Variants in EXOC4 observed in about 807,000 individuals in gnomAD.
EXOC4 encodes exocyst complex component 4.
EXOC4 carries 71 observed loss-of-function variants against 107.2 expected under a neutral mutation model. The observed-to-expected ratio is 0.66, with a 90% CI of 0.55 to 0.81. The LOEUF (loss-of-function observed/expected upper bound fraction) is 0.81. Ranked by LOEUF, EXOC4 falls within the 30% of genes least tolerant of loss-of-function variation. The pLI is 0.00. For synonymous variants in EXOC4, 456 were observed against 441.2 expected, an observed-to-expected ratio of 1.03 and a Z score of -0.42; for missense variants, 1,108 against 1,189.6, an observed-to-expected ratio of 0.93 and a Z score of 1.01.
intron 17 of EXOC4, among the ~76,000 whole-genome samples, chr7:134,054,115 T>C (rs1795867716): frequency 1.3e-5 from 2 of 152,122 alleles, no homozygotes; most frequent in Admixed American, 6.5e-5. Context: ...CCAGCCAATT[T>C]TTTATATTTT....
At chr7:133,966,584 A>G (rs1355323592) in intron 14 of EXOC4, among the ~76,000 whole-genome samples, 1 of 152,148 alleles carries the variant, frequency 6.6e-6, no homozygotes, top group South Asian at 2.1e-4. Flanking sequence ...TGAGATAATC[A>G]TGTGGTTTTG....
chr7:134,077,264 C>G, the EXOC4 span, among the ~76,000 whole-genome samples: 1 of 152,106 alleles, frequency 6.6e-6, no homozygotes, highest in South Asian at 2.1e-4. Context: ...ATGGATGTCC[C>G]AACTCAAAGA....
At chr7:133,672,216 C>A (rs1326168317) in intron 10 of EXOC4, among the ~76,000 whole-genome samples, 2 of 151,614 alleles carry the variant, frequency 1.3e-5, no homozygotes, top group Non-Finnish European at 2.9e-5. Flanking sequence ...ATGGTGAAAC[C>A]CCGTCTCTAC....
intron 7 of EXOC4, among the ~76,000 whole-genome samples, chr7:133,472,994 TTTCATGCTTTGGTAGA>T (rs1191550694): frequency 6.6e-6 from 1 of 152,232 alleles, no homozygotes; most frequent in Non-Finnish European, 1.5e-5. Flanking sequence ...ATTAGTGTAT[TTTCATGCTTTGGTAGA>T]AACATCACTC....
intron 5 of EXOC4, among the ~76,000 whole-genome samples, chr7:133,347,721 C>G (rs1795818459): frequency 6.6e-6 from 1 of 152,054 alleles, no homozygotes; most frequent in Non-Finnish European, 1.5e-5. Context: ...CCAATATATC[C>G]ATATCTATAC....
chr7:134,003,104 A>C (rs1794567493), intron 15 of EXOC4, among the ~76,000 whole-genome samples: 2 of 152,220 alleles, frequency 1.3e-5, no homozygotes, highest in Admixed American at 1.3e-4. Flanking sequence ...TCTGTGGGAC[A>C]TCCAATTCAG....
intron 12 of EXOC4, among the ~76,000 whole-genome samples, chr7:133,900,907 T>A (rs1214812392): frequency 1.3e-5 from 2 of 152,202 alleles, no homozygotes; most frequent in African/African-American, 4.8e-5. Flanking sequence ...TCTCACTCTG[T>A]TGCCCAGGCT....
chr7:133,579,619 C>A (rs771206470), intron 9 of EXOC4, among the ~76,000 whole-genome samples: 1 of 152,026 alleles, frequency 6.6e-6, no homozygotes, highest in Non-Finnish European at 1.5e-5. Context: ...GAAGCCATAT[C>A]CATTAAACAA....
At chr7:133,458,274 G>T (rs549316437) in intron 7 of EXOC4, among the ~76,000 whole-genome samples, 19 of 152,308 alleles carry the variant, frequency 1.2e-4, no homozygotes, top group African/African-American at 3.1e-4. Flanking sequence ...GGTTGGGATT[G>T]TCATTTATCC....
intron 17 of EXOC4, among the ~76,000 whole-genome samples, chr7:134,029,487 TATTG>T (rs57064497): frequency 0.15 from 23,376 of 151,812 alleles, 2,572 homozygotes; most frequent in East Asian, 0.42. Flanking sequence ...TTTGGTGGTC[TATTG>T]ATTGATTGAT....
At chr7:133,999,058 C>T (rs1258788657) in intron 15 of EXOC4, among the ~76,000 whole-genome samples, 1 of 151,896 alleles carries the variant, frequency 6.6e-6, no homozygotes, top group East Asian at 1.9e-4. Flanking sequence ...ATCAAGTATG[C>T]CATTGAGAGA....
rs1796986171 is a variant in EXOC4, at chr7:133,803,037, C to T, written c.1515-14288C>T. Among the ~76,000 whole-genome samples the T allele has an allele frequency of 2.6e-5, 4 of 152,086 alleles. 1 individual carries two copies. The South Asian group carries it at 8.3e-4, about 32-fold the overall frequency. ...GAACTGAATACATAAATGGTAAATG[C>T]AAAACTAACTTTTGTGCTTGTGGTT... is the stretch of plus-strand genomic sequence containing the variant. On this transcript the variant is annotated intron_variant, in intron 10 of 17. Transcript: ENST00000253861.
At chr7:133,968,796 G>A (rs1333505226) in intron 14 of EXOC4, among the ~76,000 whole-genome samples, 1 of 152,048 alleles carries the variant, frequency 6.6e-6, no homozygotes, top group Non-Finnish European at 1.5e-5. Context: ...TTCAACCTTG[G>A]TGAATCTAAC....
chr7:133,906,696 G>A (rs535864288), intron 12 of EXOC4, among the ~76,000 whole-genome samples: 3 of 152,124 alleles, frequency 2.0e-5, no homozygotes, highest in South Asian at 2.1e-4. Context: ...GTCCACTACC[G>A]CTGTTTGCTG....
intron 11 of EXOC4, among the ~76,000 whole-genome samples, chr7:133,818,899 G>C (rs1258003971): frequency 1.3e-5 from 2 of 151,174 alleles, no homozygotes; most frequent in African/African-American, 2.4e-5. Flanking sequence ...TCTGTGGACT[G>C]TGTCATGGAG....
At chr7:133,931,990 A>T (rs1800187172) in intron 13 of EXOC4, among the ~76,000 whole-genome samples, 1 of 152,250 alleles carries the variant, frequency 6.6e-6, no homozygotes, top group Non-Finnish European at 1.5e-5. Flanking sequence ...AACACAGCAC[A>T]TAAACCACTC....
intron 14 of EXOC4, among the ~76,000 whole-genome samples, chr7:133,972,184 A>G (rs1304454672): frequency 6.6e-6 from 1 of 152,206 alleles, no homozygotes; most frequent in Non-Finnish European, 1.5e-5. Context: ...TCTTTAACCA[A>G]TGAGAGAGCT....
intron 17 of EXOC4, among the ~76,000 whole-genome samples, chr7:134,017,900 C>T (rs975273989): frequency 1.3e-4 from 20 of 152,162 alleles, no homozygotes; most frequent in African/African-American, 2.7e-4. Flanking sequence ...TAGGGTTCCT[C>T]GAGATTACTG....
intron 9 of EXOC4, among the ~76,000 whole-genome samples, chr7:133,588,274 A>T (rs1332694587): frequency 1.3e-5 from 2 of 152,236 alleles, no homozygotes; most frequent in African/African-American, 4.8e-5. Context: ...AAAAGGAATT[A>T]AATACCATGG....
Sources: gnomAD v4.1 joint callset for allele counts (sites outside exome capture counted in the v4.1 genomes callset) on GRCh38, gnomAD v4.1.1 for gene constraint, MANE v1.5 for transcripts, NCBI Gene and HGNC (gene_info 2026-07-23, HGNC 2026-07-21) for gene names.